Variants in CSMD3 observed in about 807,000 individuals in gnomAD.
CSMD3 encodes CUB and Sushi multiple domains 3.
A neutral mutation model predicts 435.2 loss-of-function variants in CSMD3; 177 were observed. That is an observed-to-expected ratio of 0.41 (90% CI 0.36 to 0.46). The LOEUF is 0.46. Among genes scored for constraint, CSMD3 ranks in the 20% least tolerant of loss-of-function variants. The pLI is 0.34. For missense variants in CSMD3, 4,265 were observed against 4,504.6 expected (o/e 0.95, Z 1.52); for synonymous variants, 1,656 against 1,520.5 (o/e 1.09, Z -2.07).
chr8:113,355,749 T>TATATACACAC (rs1357514892), intron 1 of CSMD3, among the ~76,000 whole-genome samples: 15 of 81,320 alleles, frequency 1.8e-4, no homozygotes, highest in African/African-American at 8.3e-4. Context: ...TATATATATA[T>TATATACACAC]ACACACACAC....
intron 61 of CSMD3, chr8:112,255,821 C>T: frequency 4.3e-6 from 1 of 235,196 alleles, no homozygotes; most frequent in Non-Finnish European, 8.3e-6. Context: ...CATAATGTTC[C>T]AGGCTGCACG....
chr8:112,280,643 A>C (rs1818541537), intron 59 of CSMD3, among the ~76,000 whole-genome samples: 1 of 152,256 alleles, frequency 6.6e-6, no homozygotes, highest in Non-Finnish European at 1.5e-5. Flanking sequence ...TAATTTTAAG[A>C]CTTTTAAACA....
chr8:112,712,426 T>C (rs946309519), intron 13 of CSMD3, among the ~76,000 whole-genome samples: 15 of 152,158 alleles, frequency 9.9e-5, no homozygotes, highest in Non-Finnish European at 1.8e-4. Flanking sequence ...ACTCACCTAC[T>C]CCTGTTCCTT....
intron 32 of CSMD3, among the ~76,000 whole-genome samples, chr8:112,454,333 A>G (rs941954141): frequency 6.6e-6 from 1 of 152,196 alleles, no homozygotes; most frequent in Non-Finnish European, 1.5e-5. Context: ...GACAACCTAA[A>G]GAATGGGAAA....
At chr8:112,776,557 C>T (rs1459285296) in intron 13 of CSMD3, among the ~76,000 whole-genome samples, 3 of 151,668 alleles carry the variant, frequency 2.0e-5, no homozygotes, top group Non-Finnish European at 4.4e-5. Context: ...TGGTGTCTTG[C>T]AATTCTCCAT....
At chr8:112,502,234 A>T (rs1586536797) in intron 30 of CSMD3, among the ~76,000 whole-genome samples, 2 of 152,236 alleles carry the variant, frequency 1.3e-5, no homozygotes, top group Middle Eastern at 3.4e-3. Flanking sequence ...CCAAGGTCTA[A>T]ACTTCCCCCA....
chr8:112,438,469 G>A (rs1386970131), intron 32 of CSMD3, among the ~76,000 whole-genome samples: 1 of 152,002 alleles, frequency 6.6e-6, no homozygotes, highest in African/African-American at 2.4e-5. Context: ...TTTTCAAAAT[G>A]CTGACATTAG....
intron 2 of CSMD3, among the ~76,000 whole-genome samples, chr8:113,301,728 A>G (rs1445589272): frequency 1.3e-5 from 2 of 151,994 alleles, no homozygotes; most frequent in African/African-American, 2.4e-5. Flanking sequence ...TTAATTATAT[A>G]TATTTTTATG....
chr8:113,159,761 C>A (rs62519804), intron 4 of CSMD3, among the ~76,000 whole-genome samples: 29,558 of 151,896 alleles, frequency 0.19, 3,881 homozygotes, highest in East Asian at 0.49. Flanking sequence ...TAAGAAAAAT[C>A]AGTGAAATAG....
At chr8:113,033,246 G>C (rs543266233) in intron 5 of CSMD3, among the ~76,000 whole-genome samples, 25 of 151,664 alleles carry the variant, frequency 1.6e-4, no homozygotes, top group African/African-American at 5.6e-4. Flanking sequence ...TCTAACGACA[G>C]TCTGCACCAT....
At chr8:112,410,495 A>AATATAT (rs4029455) in intron 32 of CSMD3, among the ~76,000 whole-genome samples, 15,041 of 122,222 alleles carry the variant, frequency 0.12, 1,230 homozygotes, top group East Asian at 0.3. Context: ...AAATACTCCA[A>AATATAT]ATATATATAT....
Position 112,979,464 on chromosome 8 carries a change from C to G in CSMD3, c.1031-3316G>C, listed in dbSNP as rs1005640905. On this transcript the variant is annotated intron_variant, in intron 6 of 70. Coordinates refer to ENST00000297405, the MANE Select transcript of CSMD3 (RefSeq NM_198123.2). The stretch of plus-strand genomic sequence containing the variant: ...TATGAAACACAGATTTTTAAATTGT[C>G]AAGATTCACCACTTAACAGTTTAAA... Among the ~76,000 whole-genome samples, 4 of 151,432 alleles carry G rather than the reference C, an allele frequency of 2.6e-5. No individual in the cohort carries two copies. The South Asian group carries it at 6.3e-4, about 24-fold the overall frequency.
intron 7 of CSMD3, among the ~76,000 whole-genome samples, chr8:112,959,852 T>C (rs550208689): frequency 2.6e-4 from 40 of 151,726 alleles, no homozygotes; most frequent in South Asian, 6.2e-4. Flanking sequence ...GACTAGGAGG[T>C]TAAAGTAATA....
intron 1 of CSMD3, among the ~76,000 whole-genome samples, chr8:113,328,727 C>CTTTTTTTTTT (rs1554611986): frequency 2.3e-5 from 2 of 87,280 alleles, no homozygotes; most frequent in Admixed American, 3.1e-4. Flanking sequence ...TCTTTCCTTC[C>CTTTTTTTTTT]TTCTTTTCTT....
chr8:113,170,609 AT>A (rs1208820965), intron 4 of CSMD3, among the ~76,000 whole-genome samples: 1 of 152,116 alleles, frequency 6.6e-6, no homozygotes, highest in Non-Finnish European at 1.5e-5. Flanking sequence ...TACTCTACAG[AT>A]TCTGCTATTA....
intron 1 of CSMD3, among the ~76,000 whole-genome samples, chr8:113,420,169 T>C (rs2094602959): frequency 6.6e-6 from 1 of 152,106 alleles, no homozygotes; most frequent in Non-Finnish European, 1.5e-5. Context: ...ATTTACATAC[T>C]GGGTGATGTA....
chr8:113,117,637 A>G (rs1206628304), intron 4 of CSMD3, among the ~76,000 whole-genome samples: 1 of 152,246 alleles, frequency 6.6e-6, no homozygotes, highest in African/African-American at 2.4e-5. Context: ...GTTCACCTGG[A>G]AAAGCCGAAG....
At chr8:112,280,961 C>T (rs1455658146) in intron 59 of CSMD3, among the ~76,000 whole-genome samples, 1 of 152,070 alleles carries the variant, frequency 6.6e-6, no homozygotes, top group Non-Finnish European at 1.5e-5. Context: ...CTTTCTGCTG[C>T]CAGTTAATGT....
At chr8:113,334,086 C>T (rs536537467) in intron 1 of CSMD3, among the ~76,000 whole-genome samples, 11 of 151,844 alleles carry the variant, frequency 7.2e-5, no homozygotes, top group Middle Eastern at 3.4e-3. Context: ...ACAAAAATTA[C>T]GATTTTTAAC....
Sources: allele counts gnomAD v4.1 joint callset (sites outside exome capture counted in the v4.1 genomes callset), GRCh38; gene constraint gnomAD v4.1.1; transcripts MANE v1.5; gene names NCBI Gene and HGNC (gene_info 2026-07-23, HGNC 2026-07-21).